Variants in ARHGEF37 observed in about 807,000 individuals in gnomAD.
The protein encoded by ARHGEF37 is Rho guanine nucleotide exchange factor (GEF) 37.
In ARHGEF37, 55 loss-of-function variants were observed where a neutral mutation model predicts 71.1. The ratio of observed to expected loss-of-function variants is 0.77; its 90% CI spans 0.62 to 0.97. The LOEUF (loss-of-function observed/expected upper bound fraction) is 0.97. ARHGEF37 is among the 50% of genes least tolerant of loss of function. The pLI, the probability that ARHGEF37 is intolerant of heterozygous loss-of-function variation, is 0.00. For missense variants in ARHGEF37, 765 were observed against 836.8 expected, an observed-to-expected ratio of 0.91 and a Z score of 1.06; for synonymous variants, 327 against 350.6, an observed-to-expected ratio of 0.93 and a Z score of 0.75.
rs941872055 is a variant in ARHGEF37 at position 149,581,589 on chromosome 5, C to A, written c.-47C>A. 1.3e-5 allele frequency: 2 copies of A among 152,120 alleles called. No individual in the cohort carries two copies. Among genetic ancestry groups the A allele is most frequent in the Admixed American group, 6.5e-5 (1 of 15,276 alleles). 9.4% of individuals were successfully genotyped at this position (152,120 alleles called of 1,614,324 possible). On this transcript the variant is annotated 5_prime_UTR_variant, in exon 1 of 13. Transcript: ENST00000333677. Reference sequence around the variant, plus strand: ...CGCTGTTGCCCGGGCGGCCGACCTCCGTGCGTGAGCGCCGGCAGGCACCTT... The same window carrying A: ...CGCTGTTGCCCGGGCGGCCGACCTCAGTGCGTGAGCGCCGGCAGGCACCTT...
intron 5 of ARHGEF37, among the ~76,000 whole-genome samples, 154 bp downstream of exon 5, chr5:149,616,920 G>T (rs1406933694): frequency 6.6e-6 from 1 of 152,160 alleles, no homozygotes; most frequent in Admixed American, 6.5e-5. Flanking sequence ...GTTCGATCAG[G>T]GTGCTGGCTC....
At chr5:149,587,098 A>C (rs1763262436) in intron 1 of ARHGEF37, among the ~76,000 whole-genome samples, 1 of 152,206 alleles carries the variant, frequency 6.6e-6, no homozygotes, top group Admixed American at 6.5e-5. Flanking sequence ...GGGGATGAGG[A>C]ATAAAAATGT....
At chr5:149,624,243 G>A in intron 10 of ARHGEF37, 103 bp downstream of exon 10, 1 of 1,418,346 alleles carries the variant, frequency 7.1e-7, no homozygotes, top group Non-Finnish European at 9.5e-7. Context: ...GTCCCCCAAT[G>A]TTTCCTGTTA....
At chr5:149,562,039 C>T (rs199916680) in intron 1 of ARHGEF37, among the ~76,000 whole-genome samples, 16 of 152,154 alleles carry the variant, frequency 1.1e-4, no homozygotes, top group Non-Finnish European at 1.6e-4. Flanking sequence ...CTGAGGAGAG[C>T]TGGTCCTAAG....
At chr5:149,594,913 A>G (rs1561792853) in intron 1 of ARHGEF37, among the ~76,000 whole-genome samples, 1 of 152,216 alleles carries the variant, frequency 6.6e-6, no homozygotes, top group Admixed American at 6.5e-5. Flanking sequence ...AACTATTGAT[A>G]CCCACAATAT....
intron 1 of ARHGEF37, among the ~76,000 whole-genome samples, chr5:149,564,713 A>G (rs1397145864): frequency 6.6e-6 from 1 of 152,106 alleles, no homozygotes; most frequent in Non-Finnish European, 1.5e-5. Flanking sequence ...AATCCCAGCT[A>G]CTCAAGAGGC....
chr5:149,621,706 G>A (rs374136566), intron 8 of ARHGEF37, 27 bp from the exon 9 acceptor site: 41 of 1,585,862 alleles, frequency 2.6e-5, no homozygotes, highest in South Asian at 7.0e-5. Context: ...CTCCTTTCCC[G>A]ACTCCCACGC....
At chr5:149,600,573 C>T (rs939087890) in intron 2 of ARHGEF37, among the ~76,000 whole-genome samples, 4 of 152,204 alleles carry the variant, frequency 2.6e-5, no homozygotes, top group East Asian at 1.9e-4. Context: ...GCTAAAACCC[C>T]GGTTCAGCTT....
chr5:149,628,708 G>A, intron 11 of ARHGEF37, 101 bp from the exon 12 acceptor site: 1 of 1,427,764 alleles, frequency 7.0e-7, no homozygotes, highest in Non-Finnish European at 9.4e-7. Flanking sequence ...CTTGGGTGTT[G>A]AGAAGCTGTG....
intron 2 of ARHGEF37, among the ~76,000 whole-genome samples, chr5:149,598,263 C>CTCCTTCTTCTTCT (rs71587782): frequency 7.4e-5 from 5 of 67,692 alleles, no homozygotes; most frequent in African/African-American, 1.7e-4. Context: ...CTTAAACTGA[C>CTCCTTCTTCTTCT]TCTTCTTCTT....
chr5:149,564,547 G>A (rs1392592529), intron 1 of ARHGEF37, among the ~76,000 whole-genome samples: 2 of 152,080 alleles, frequency 1.3e-5, no homozygotes, highest in East Asian at 1.9e-4. Context: ...ATCCTCGGCC[G>A]GGCGCGGTGG....
chr5:149,618,990 T>G lies in ARHGEF37; in HGVS notation c.842T>G (p.Leu281Arg). 1 of 1,614,158 alleles carries G rather than the reference T, an allele frequency of 6.2e-7. No individual in the cohort carries two copies. The highest frequency in any genetic ancestry group is 1.1e-5 in the South Asian group (1 of 91,074). ...GAAGAGAGGTTCCAGTGGGTGTCTCTGTGTGTGACTGAGCTGAAGAACAAC... is the reference window on the plus strand; with the variant it reads ...GAAGAGAGGTTCCAGTGGGTGTCTCGGTGTGTGACTGAGCTGAAGAACAAC... ...DLEERFQWVS[L>R]CVTELKNNVA... Residue 281 changes from leucine (L) to arginine (R), a missense_variant, in exon 7 of 13, where the codon CTG becomes CGG. Physicochemically the swap from Leu to Arg is moderately radical, Grantham distance 102 (BLOSUM62 -2). Around this residue, in one of 5 missense-constraint regions of ARHGEF37, gnomAD observed 167 missense variants for 173.3 expected, o/e 0.96. Coordinates refer to ENST00000333677, the MANE Select transcript of ARHGEF37 (RefSeq NM_001001669.3).
rs770926576 is a variant in ARHGEF37, at chr5:149,566,102, G to A, written c.-12+13979G>A. ...CTCAGGTGATCCACCCGCCTTGGCC[G>A]CCCAAAGTGCTGGGATTACAGGCCT... On this transcript the variant is annotated intron_variant, in intron 1 of 2. Transcript: ENST00000505810. Among the ~76,000 whole-genome samples, 150 of 151,244 alleles carry A rather than the reference G, an allele frequency of 9.9e-4. 1 individual carries two copies. The highest frequency in any genetic ancestry group is 1.7e-3 in the Non-Finnish European group (117 of 67,750).
At chr5:149,554,756 A>G (rs921748548) in intron 1 of ARHGEF37, among the ~76,000 whole-genome samples, 6 of 152,108 alleles carry the variant, frequency 3.9e-5, no homozygotes, top group Admixed American at 3.3e-4. Flanking sequence ...AAAAGATTGA[A>G]GAATAACCTG....
In ARHGEF37 at chr5:149,618,223, G is replaced by A. The variant is rs528783472; in HGVS notation, c.706G>A (p.Ala236Thr). The A allele has an allele frequency of 1.2e-6, 2 of 1,614,192 alleles. No homozygotes were observed. Among genetic ancestry groups the A allele is most frequent in the Admixed American group, 3.3e-5 (2 of 60,030 alleles). ...VEQLTLRERL[A>T]RINTHTLSKK... is the part of the protein sequence containing the mutation. Reference sequence around the variant, plus strand: ...GCAGCTGACCCTCCGGGAGCGGCTGGCCCGCATCAACACACACACCCTCTC... The same window carrying A: ...GCAGCTGACCCTCCGGGAGCGGCTGACCCGCATCAACACACACACCCTCTC... Residue 236 changes from alanine to threonine, a missense_variant, in exon 6 of 13, where the codon GCC (alanine) becomes ACC (threonine). This residue lies in a region of ARHGEF37 where 167 missense variants were observed against 173.3 expected (regional missense o/e 0.96). Transcript: ENST00000333677.
chr5:149,597,989 A>G, intron 2 of ARHGEF37, 34 bp downstream of exon 2: 1 of 1,519,676 alleles, frequency 6.6e-7, no homozygotes, highest in Non-Finnish European at 8.8e-7. Context: ...ACCTGTCTTT[A>G]TAGGGGCAAA....
At chr5:149,571,055 G>C (rs1455644898) in intron 1 of ARHGEF37, among the ~76,000 whole-genome samples, 1 of 151,678 alleles carries the variant, frequency 6.6e-6, no homozygotes, top group African/African-American at 2.4e-5. Context: ...TGATTCTCCT[G>C]CCTCAGCCTC....
At chr5:149,617,278 C>A (rs1162762089) in intron 5 of ARHGEF37, among the ~76,000 whole-genome samples, 1 of 152,190 alleles carries the variant, frequency 6.6e-6, no homozygotes, top group Non-Finnish European at 1.5e-5. Flanking sequence ...CAATCCACCC[C>A]TTGAGCTAAA....
chr5:149,573,175 G>A (rs1762988733), intron 1 of ARHGEF37, among the ~76,000 whole-genome samples: 1 of 152,114 alleles, frequency 6.6e-6, no homozygotes, highest in Non-Finnish European at 1.5e-5. Flanking sequence ...TCACTACCTT[G>A]AGGATGGTAC....
Sources: gnomAD v4.1 joint callset for allele counts (sites outside exome capture counted in the v4.1 genomes callset) on GRCh38, gnomAD v4.1.1 for gene constraint, gnomAD v4.1.1 regional missense constraint, MANE v1.5 for transcripts, NCBI Gene and HGNC (gene_info 2026-07-23, HGNC 2026-07-21) for gene names.